TTC28: variants seen among roughly 807,000 people sequenced by gnomAD.
TTC28 encodes tetratricopeptide repeat domain 28, also known as tetratricopeptide repeat protein 28.
TTC28 carries 61 observed loss-of-function variants against 198.0 expected under a neutral mutation model. That is an observed-to-expected ratio of 0.31 (90% CI 0.25 to 0.38). The LOEUF (loss-of-function observed/expected upper bound fraction) is 0.38, where lower values mean the gene tolerates loss of function less well. TTC28 is among the 10% of genes least tolerant of loss of function. TTC28 has a pLI of 1.00. For synonymous variants in TTC28, 1,171 were observed against 1,297.8 expected (o/e 0.90, Z 2.10); for missense variants, 2,678 against 3,164.0 (o/e 0.85, Z 3.69).
At chr22:27,984,714 T>A (rs1039718777) in intron 22 of TTC28, among the ~76,000 whole-genome samples, 1 of 152,232 alleles carries the variant, frequency 6.6e-6, no homozygotes, top group Non-Finnish European at 1.5e-5. Flanking sequence ...GGCAATCCCA[T>A]TTTGGCAGTT....
At chr22:28,053,145 G>T (rs1476443393) in intron 12 of TTC28, among the ~76,000 whole-genome samples, 1 of 152,230 alleles carries the variant, frequency 6.6e-6, no homozygotes, top group African/African-American at 2.4e-5. Flanking sequence ...GAAATGCAAA[G>T]AACGAAATGG....
chr22:28,127,217 C>T (rs1942938434), intron 6 of TTC28, among the ~76,000 whole-genome samples: 1 of 152,242 alleles, frequency 6.6e-6, no homozygotes. Context: ...ATACAAGTAG[C>T]TTTTCTGTAC....
chr22:28,335,569 G>C (rs936832605), intron 2 of TTC28, among the ~76,000 whole-genome samples: 3 of 152,122 alleles, frequency 2.0e-5, no homozygotes, highest in Admixed American at 6.6e-5. Context: ...TTGTAAGTTG[G>C]ATTCCTAGGT....
At chr22:28,318,867 G>A (rs575685675) in intron 2 of TTC28, among the ~76,000 whole-genome samples, 1 of 139,414 alleles carries the variant, frequency 7.2e-6, no homozygotes, top group Admixed American at 7.5e-5. Flanking sequence ...TACCCAGGCT[G>A]GAGTACAGTG....
intron 5 of TTC28, among the ~76,000 whole-genome samples, chr22:28,223,602 C>T (rs1241309372): frequency 1.3e-5 from 2 of 152,148 alleles, no homozygotes; most frequent in Admixed American, 1.3e-4. Flanking sequence ...ATAGCCTGAA[C>T]TTCCCAAAGA....
intron 16 of TTC28, among the ~76,000 whole-genome samples, chr22:27,997,036 G>A (rs964803073): frequency 6.6e-6 from 1 of 152,240 alleles, no homozygotes; most frequent in African/African-American, 2.4e-5. Flanking sequence ...CACAAGCCCT[G>A]CAGTAGGTTT....
At chr22:28,139,573 T>C (rs1943280751) in intron 6 of TTC28, among the ~76,000 whole-genome samples, 1 of 152,116 alleles carries the variant, frequency 6.6e-6, no homozygotes, top group African/African-American at 2.4e-5. Context: ...AGAGTAAACT[T>C]GATACCAGGA....
At chr22:28,064,183 A>G (rs547761644) in intron 12 of TTC28, among the ~76,000 whole-genome samples, 5 of 152,318 alleles carry the variant, frequency 3.3e-5, no homozygotes, top group South Asian at 2.1e-4. Context: ...ACTGATGGTC[A>G]TGTTATATTT....
chr22:28,240,682 G>C (rs562946683), intron 5 of TTC28, among the ~76,000 whole-genome samples: 1 of 152,168 alleles, frequency 6.6e-6, no homozygotes, highest in South Asian at 2.1e-4. Context: ...AGGGAACCAG[G>C]GCTAACTACA....
intron 5 of TTC28, among the ~76,000 whole-genome samples, chr22:28,217,064 T>A (rs1456582227): frequency 6.6e-6 from 1 of 152,082 alleles, no homozygotes; most frequent in African/African-American, 2.4e-5. Flanking sequence ...TTAGCTTCAG[T>A]GTGGAGAAAA....
chr22:28,453,775 G>T (rs1037990469), intron 2 of TTC28, among the ~76,000 whole-genome samples: 10 of 152,208 alleles, frequency 6.6e-5, no homozygotes, highest in African/African-American at 2.2e-4. Context: ...CTTCCGCTCT[G>T]CCTCTTGTGA....
intron 2 of TTC28, among the ~76,000 whole-genome samples, chr22:28,513,604 A>G (rs2048726815): frequency 6.6e-6 from 1 of 152,184 alleles, no homozygotes; most frequent in African/African-American, 2.4e-5. Flanking sequence ...CCTGTCTCTA[A>G]ATTTTAAAAA....
intron 5 of TTC28, among the ~76,000 whole-genome samples, chr22:28,228,382 T>C (rs1424631971): frequency 2.0e-5 from 3 of 152,188 alleles, no homozygotes; most frequent in South Asian, 2.1e-4. Flanking sequence ...ATGTATGTTT[T>C]ACCACAATAA....
At chr22:28,484,358 C>T (rs1046585761) in intron 2 of TTC28, among the ~76,000 whole-genome samples, 2 of 152,088 alleles carry the variant, frequency 1.3e-5, no homozygotes, top group African/African-American at 4.8e-5. Context: ...GGCATCCTCC[C>T]ACCCTGGCCT....
At chr22:28,409,347 C>T (rs904221462) in intron 2 of TTC28, among the ~76,000 whole-genome samples, 3 of 152,120 alleles carry the variant, frequency 2.0e-5, no homozygotes, top group African/African-American at 7.2e-5. Context: ...AGTAGCCCTA[C>T]AATCCAGAGC....
chr22:28,165,107 G>A (rs1471856114), intron 5 of TTC28, among the ~76,000 whole-genome samples: 2 of 152,186 alleles, frequency 1.3e-5, no homozygotes, highest in African/African-American at 4.8e-5. Flanking sequence ...ATGAAATGAA[G>A]TGAGAAGAGA....
At chr22:28,184,286 T>G (rs900810460) in intron 5 of TTC28, among the ~76,000 whole-genome samples, 1 of 152,206 alleles carries the variant, frequency 6.6e-6, no homozygotes, top group Non-Finnish European at 1.5e-5. Context: ...AGTCATATAT[T>G]TATATTAATC....
At chr22:28,547,682 G>A (rs9625497) in intron 2 of TTC28, among the ~76,000 whole-genome samples, 1,921 of 151,302 alleles carry the variant, frequency 0.013, 36 homozygotes, top group African/African-American at 0.044. Context: ...ACTGTAATAC[G>A]GTCGCATTCC....
intron 2 of TTC28, among the ~76,000 whole-genome samples, chr22:28,332,688 AAC>A (rs1281610280): frequency 6.6e-6 from 1 of 152,136 alleles, no homozygotes; most frequent in Non-Finnish European, 1.5e-5. Flanking sequence ...TCATTTGTAA[AAC>A]ATACTTTATA....
Sources: allele counts gnomAD v4.1 joint callset (sites outside exome capture counted in the v4.1 genomes callset), GRCh38; gene constraint gnomAD v4.1.1; transcripts MANE v1.5; gene names NCBI Gene and HGNC (gene_info 2026-07-23, HGNC 2026-07-21).